The following TECR variants were observed in gnomAD, a reference collection of about 807,000 sequenced individuals.
The protein encoded by TECR is trans-2,3-enoyl-CoA reductase.
TECR carries 19 observed loss-of-function variants against 50.6 expected under a neutral mutation model. The ratio of observed to expected loss-of-function variants is 0.38; its 90% CI spans 0.26 to 0.55. The LOEUF is 0.55. Among genes scored for constraint, TECR ranks in the 20% least tolerant of loss-of-function variants. TECR has a pLI of 0.79. For synonymous variants in TECR, 168 were observed against 163.5 expected (o/e 1.03, Z -0.21); for missense variants, 313 against 408.3 (o/e 0.77, Z 2.01).
chr19:14,563,238 G>C lies in TECR; in HGVS notation c.99G>C (p.Lys33Asn). ...VEPHATIAEI[K>N]NLFTKTHPQW... ...CCCACGCCACCATTGCGGAGATCAA[G>C]AACCTCTTCACTAAGACCCGTGAGT... Residue 33 changes from lysine (K) to asparagine (N), a missense_variant, in exon 3 of 13, where the codon AAG becomes AAC. Physicochemically the swap from Lys to Asn is moderately conservative, Grantham distance 94. Coordinates refer to ENST00000215567, the MANE Select transcript of TECR (RefSeq NM_138501.6). This position sits in a 1 kb window ranked among gnomAD's most constrained non-coding sequence, Gnocchi z 5.3. 1 of 1,613,734 alleles carries C rather than the reference G, an allele frequency of 6.2e-7. No homozygotes were observed. The highest frequency in any genetic ancestry group is 8.5e-7 in the Non-Finnish European group (1 of 1,179,836).
chr19:14,535,198 C>T (rs8113070), intron 1 of TECR, among the ~76,000 whole-genome samples: 5 of 151,118 alleles, frequency 3.3e-5, no homozygotes, highest in Admixed American at 6.6e-5. Flanking sequence ...CATGGCGAAA[C>T]CCCCTCTCCA....
chr19:14,538,536 C>CTTTT (rs5827232), intron 1 of TECR, among the ~76,000 whole-genome samples: 1 of 136,772 alleles, frequency 7.3e-6, no homozygotes, highest in African/African-American at 2.7e-5. Context: ...TCTTTTTTTT[C>CTTTT]TTTTTTTTTT....
intron 1 of TECR, among the ~76,000 whole-genome samples, chr19:14,547,150 C>CT (rs1366878448): frequency 1.3e-5 from 2 of 151,916 alleles, no homozygotes; most frequent in Admixed American, 1.3e-4. Context: ...TTCATAGCCT[C>CT]TTATTTTTTT....
chr19:14,564,915 C>T (rs1326720557), intron 8 of TECR, 34 bp from the exon 9 acceptor site: 3 of 1,614,094 alleles, frequency 1.9e-6, no homozygotes, highest in Non-Finnish European at 2.5e-6. Flanking sequence ...GCGGGTCCTC[C>T]CCTCATGGGC....
chr19:14,539,854 A>G (rs1239661527), intron 1 of TECR, among the ~76,000 whole-genome samples: 2 of 147,820 alleles, frequency 1.4e-5, no homozygotes, highest in Admixed American at 6.9e-5. Context: ...TTCGCAGCCC[A>G]TCTGGGCTTG....
chr19:14,541,688 A>G (rs2073101388), intron 1 of TECR, among the ~76,000 whole-genome samples: 1 of 152,132 alleles, frequency 6.6e-6, no homozygotes, highest in Non-Finnish European at 1.5e-5. Context: ...GTGCAGAGGC[A>G]TGGAGCCCAG....
At chr19:14,537,259 G>T (rs2072936271) in intron 1 of TECR, among the ~76,000 whole-genome samples, 2 of 138,898 alleles carry the variant, frequency 1.4e-5, no homozygotes, top group Admixed American at 1.5e-4. Flanking sequence ...GGATGGGGGA[G>T]GCGGGACCAG....
rs572871368 is a variant in TECR, at chr19:14,559,997, G to A, written c.16-2528G>A. ...GCCTTGGGCATTTCTTGTCTGTAGG[G>A]GCCCCTAGGTGCTGCCTTGCAGCCC... is the stretch of plus-strand genomic sequence containing the variant. On this transcript the variant is annotated intron_variant, in intron 1 of 12. Coordinates refer to ENST00000215567, the MANE Select transcript of TECR (RefSeq NM_138501.6). 7.2e-5 allele frequency among the ~76,000 whole-genome samples: 11 copies of A among 152,216 alleles called. No individual in the cohort carries two copies. The East Asian group carries it at 2.1e-3, about 30-fold the overall frequency.
chr19:14,529,514 G>A (rs1444276008), upstream of TECR: 1 of 787,398 alleles, frequency 1.3e-6, no homozygotes, highest in Non-Finnish European at 2.2e-6. Flanking sequence ...CAAGGAGCAG[G>A]GGCGAACGTG....
chr19:14,559,194 C>A (rs867227959), intron 1 of TECR, among the ~76,000 whole-genome samples: 1 of 152,142 alleles, frequency 6.6e-6, no homozygotes, highest in South Asian at 2.1e-4. Context: ...AGGTGAAATT[C>A]ATGTAACATG....
chr19:14,536,406 A>G (rs1002934007), intron 1 of TECR, among the ~76,000 whole-genome samples: 2 of 151,316 alleles, frequency 1.3e-5, no homozygotes, highest in African/African-American at 4.9e-5. Context: ...AGTAGCTGGG[A>G]TTACAGGCGC....
chr19:14,551,914 C>T (rs189970113), intron 1 of TECR, among the ~76,000 whole-genome samples: 10 of 129,406 alleles, frequency 7.7e-5, no homozygotes, highest in Non-Finnish European at 1.5e-4. Context: ...TCTCTCTCCC[C>T]CTCCCTCCCT....
At chr19:14,540,363 T>C in intron 1 of TECR, among the ~76,000 whole-genome samples, 1 of 152,100 alleles carries the variant, frequency 6.6e-6, no homozygotes, top group Non-Finnish European at 1.5e-5. Context: ...CCACTGTGCC[T>C]GGCTAATTTT....
intron 1 of TECR, among the ~76,000 whole-genome samples, chr19:14,555,649 C>T (rs890605604): frequency 2.6e-5 from 4 of 151,954 alleles, no homozygotes; most frequent in Non-Finnish European, 4.4e-5. Flanking sequence ...CCATGTTGGC[C>T]AGGCTGGTCT....
intron 1 of TECR, among the ~76,000 whole-genome samples, chr19:14,547,821 C>T (rs539257391): frequency 2.0e-5 from 3 of 151,658 alleles, no homozygotes; most frequent in South Asian, 2.1e-4. Context: ...CACCTACAGC[C>T]GGCTACTTTT....
At chr19:14,564,426 C>T (rs1007032289) in intron 7 of TECR, 139 bp downstream of exon 7, 3 of 749,624 alleles carry the variant, frequency 4.0e-6, no homozygotes, top group Admixed American at 2.1e-5. Flanking sequence ...CCCGCCTAAC[C>T]TCCCCAGCCC....
intron 1 of TECR, among the ~76,000 whole-genome samples, chr19:14,537,197 A>C (rs1034840900): frequency 1.3e-5 from 1 of 76,394 alleles, no homozygotes; most frequent in East Asian, 5.1e-4. Flanking sequence ...GCCGAGGGGG[A>C]GGAGGTGGGG....
intron 1 of TECR, among the ~76,000 whole-genome samples, chr19:14,552,172 CTT>C (rs536176918): frequency 3.2e-4 from 43 of 133,352 alleles, no homozygotes; most frequent in Admixed American, 4.6e-4. Context: ...TTTCTTTTTT[CTT>C]TTTTTTTTTT....
At chr19:14,557,504 T>A (rs1333092004) in intron 1 of TECR, among the ~76,000 whole-genome samples, 2 of 149,938 alleles carry the variant, frequency 1.3e-5, no homozygotes, top group African/African-American at 4.9e-5. Flanking sequence ...CAGGCTGGAG[T>A]GCAGTGGTGC....
Sources: gnomAD v4.1 joint callset for allele counts (sites outside exome capture counted in the v4.1 genomes callset) on GRCh38, gnomAD v4.1.1 for gene constraint, Gnocchi (gnomAD v3.1) non-coding constraint, MANE v1.5 for transcripts, NCBI Gene and HGNC (gene_info 2026-07-23, HGNC 2026-07-21) for gene names.